The following FHIP2A variants were observed in gnomAD, a reference collection of about 807,000 sequenced individuals.
FHIP2A encodes the protein FHF complex subunit HOOK interacting protein 2A.
A neutral mutation model predicts 93.5 loss-of-function variants in FHIP2A; 46 were observed. That is an observed-to-expected ratio of 0.49 (90% CI 0.39 to 0.63). The LOEUF is 0.63. Among genes scored for constraint, FHIP2A ranks in the 20% least tolerant of loss-of-function variants. The probability of loss-of-function intolerance (pLI) is 0.00; values close to 1 mark genes in which losing one functional copy is unlikely to be tolerated. For synonymous variants in FHIP2A, 332 were observed against 326.5 expected (o/e 1.02, Z -0.18); for missense variants, 769 against 909.7 (o/e 0.85, Z 1.99).
downstream of FHIP2A, among the ~76,000 whole-genome samples, chr10:114,868,644 C>T (rs554004792): frequency 6.6e-6 from 1 of 152,162 alleles, no homozygotes; most frequent in East Asian, 1.9e-4. Context: ...GAAGGTAAAA[C>T]CCCTAGCAGA....
chr10:114,849,893 A>C (rs1481694539), intron 13 of FHIP2A, among the ~76,000 whole-genome samples: 1 of 152,118 alleles, frequency 6.6e-6, no homozygotes, highest in African/African-American at 2.4e-5. Flanking sequence ...TCTGTCTGGC[A>C]TTTTTTACTC....
intron 13 of FHIP2A, among the ~76,000 whole-genome samples, chr10:114,848,958 C>T (rs2083718313): frequency 6.6e-6 from 1 of 151,834 alleles, no homozygotes. Context: ...GCCTGGCCAA[C>T]ATGGTGAAAC....
downstream of FHIP2A, among the ~76,000 whole-genome samples, chr10:114,865,171 A>G (rs2083822562): frequency 1.3e-5 from 2 of 151,986 alleles, no homozygotes; most frequent in African/African-American, 2.4e-5. Flanking sequence ...TATTTTTAGT[A>G]GAGACGGGGT....
intron 1 of FHIP2A, among the ~76,000 whole-genome samples, chr10:114,828,053 A>G (rs1372256958): frequency 1.3e-5 from 2 of 152,144 alleles, no homozygotes; most frequent in African/African-American, 4.8e-5. Flanking sequence ...CAGTGATAAA[A>G]CAGGTAATTT....
chr10:114,896,640 C>T (rs74345821), intron 16 of FHIP2A, among the ~76,000 whole-genome samples: 2,133 of 152,308 alleles, frequency 0.014, 30 homozygotes, highest in African/African-American at 0.048. Flanking sequence ...AGCCCCTCCC[C>T]GCTTCCTGCC....
At chr10:114,823,522 T>G (rs1012122115) in intron 1 of FHIP2A, among the ~76,000 whole-genome samples, 1 of 152,064 alleles carries the variant, frequency 6.6e-6, no homozygotes, top group East Asian at 1.9e-4. Flanking sequence ...TGAGACCGAA[T>G]CTCATTCTGT....
At chr10:114,825,984 A>G (rs1029044816) in intron 1 of FHIP2A, among the ~76,000 whole-genome samples, 9 of 152,236 alleles carry the variant, frequency 5.9e-5, no homozygotes, top group Admixed American at 2.6e-4. Context: ...TTTTCAAATT[A>G]TAGTTAAGAG....
In FHIP2A at chr10:114,874,339, C is replaced by T. The variant is rs550972384; in HGVS notation, c.2192+13005C>T. Among the ~76,000 whole-genome samples, 12 of 152,318 alleles carry T rather than the reference C, an allele frequency of 7.9e-5. No homozygotes were observed. In the South Asian group the frequency reaches 2.5e-3, roughly 32 times the overall value. ...AAAATACAGCTATACACCTGTGCCC[C>T]ATTACTTATAGCACACTAGGAATGA... On this transcript the variant is annotated intron_variant, in intron 16 of 16. Coordinates refer to the FHIP2A transcript ENST00000369250.
At chr10:114,842,070 T>C (rs1198450157) in intron 5 of FHIP2A, among the ~76,000 whole-genome samples, 3 of 151,988 alleles carry the variant, frequency 2.0e-5, no homozygotes, top group Admixed American at 2.0e-4. Flanking sequence ...TTTTTTTAAA[T>C]TTTTTTGAGA....
At chr10:114,851,735 AAGC>A (rs1487415353) in intron 13 of FHIP2A, among the ~76,000 whole-genome samples, 2 of 150,216 alleles carry the variant, frequency 1.3e-5, no homozygotes, top group Non-Finnish European at 3.0e-5. Context: ...AAAAAAAAAA[AAGC>A]AATTGAAATT....
chr10:114,861,750 ATAT>A lies in FHIP2A; in HGVS notation c.*211_*213del. 7.7e-7 allele frequency: 1 copy of A among 1,291,058 alleles called. No individual in the cohort carries two copies. The highest frequency in any genetic ancestry group is 9.8e-7 in the Non-Finnish European group (1 of 1,016,728). The allele number at this position is 1,291,058 out of a possible 1,614,324, so 80.0% of individuals were successfully genotyped here. A position where few individuals can be genotyped will look rare whatever the true frequency, so the allele number is the denominator to read the frequency against. Reference sequence around the variant, plus strand: ...TCATTGGCTTTATCATAATGGTTCTATATATACAATTGCACATTGTTGAATCCA... The same window carrying A: ...TCATTGGCTTTATCATAATGGTTCTAATACAATTGCACATTGTTGAATCCA... On this transcript the variant is annotated 3_prime_UTR_variant, in exon 17 of 17. Coordinates refer to ENST00000369248, the MANE Select transcript of FHIP2A (RefSeq NM_020940.4).
At position 114,822,002 on chromosome 10, in the gene FHIP2A, C is replaced by G; in HGVS notation, c.-77C>G. ...TTCACTCTGGAGCGGCCCCGGCAGCCGCAGCAGGGGCGGCGGCGGCGGATC... is the reference window on the plus strand; with the variant it reads ...TTCACTCTGGAGCGGCCCCGGCAGCGGCAGCAGGGGCGGCGGCGGCGGATC... On this transcript the variant is annotated 5_prime_UTR_variant, in exon 1 of 17. Coordinates refer to ENST00000369248, the MANE Select transcript of FHIP2A (RefSeq NM_020940.4). The G allele has an allele frequency of 9.9e-7, 1 of 1,014,274 alleles. No individual in the cohort carries two copies. The highest frequency in any genetic ancestry group is 1.7e-5 in the African/African-American group (1 of 58,790). 62.8% of individuals were successfully genotyped at this position (1,014,274 alleles called of 1,614,324 possible). A position where few individuals can be genotyped will look rare whatever the true frequency, so the allele number is the denominator to read the frequency against.
chr10:114,874,260 C>T (rs1372437308), intron 16 of FHIP2A, among the ~76,000 whole-genome samples: 1 of 135,460 alleles, frequency 7.4e-6, no homozygotes, highest in South Asian at 2.5e-4. Flanking sequence ...TACTTTAGAT[C>T]TTTAATTTTT....
chr10:114,839,902 G>GAAAAAAAAAAAAAAAAAAAAAAAA (rs2083659248), intron 5 of FHIP2A, among the ~76,000 whole-genome samples: 1 of 127,460 alleles, frequency 7.8e-6, no homozygotes, highest in Non-Finnish European at 1.7e-5. Context: ...AAAAAAAAAA[G>GAAAAAAAAAAAAAAAAAAAAAAAA]AAAAGAAACA....
chr10:114,855,280 T>G lies in FHIP2A; in HGVS notation c.1887T>G (p.Ala629=). Residue 629 remains alanine (A), a synonymous_variant, in exon 14 of 17, where the codon GCT becomes GCG. Coordinates refer to ENST00000369248, the MANE Select transcript of FHIP2A (RefSeq NM_020940.4). The part of the protein sequence containing the change: ...KALEKCNLEA[A]FFEGHFLKVL... The stretch of plus-strand genomic sequence containing the variant: ...TGGAAAAGTGCAATTTAGAAGCTGC[T>G]TTCTTTGAAGGTCATTTTTTGAAAG... 6.2e-7 allele frequency: 1 copy of G among 1,614,110 alleles called. No individual in the cohort carries two copies. The highest frequency in any genetic ancestry group is 2.2e-5 in the East Asian group (1 of 44,868).
Position 114,850,669 on chromosome 10 carries a change from C to G in FHIP2A, c.1803+1932C>G, listed in dbSNP as rs7904128. 6.8e-3 allele frequency among the ~76,000 whole-genome samples: 1,029 copies of G among 152,260 alleles called. 16 individuals carry two copies. Among genetic ancestry groups the G allele is most frequent in the African/African-American group, 0.024 (992 of 41,556 alleles). ...GAGCTATGATGGTGACACTGCACTC[C>G]AGCCTGGGCAACAGAGCAAGACCCT... On this transcript the variant is annotated intron_variant, in intron 13 of 16. Coordinates refer to ENST00000369248, the MANE Select transcript of FHIP2A (RefSeq NM_020940.4).
chr10:114,893,412 T>G (rs1288018217), intron 16 of FHIP2A, among the ~76,000 whole-genome samples: 1 of 152,188 alleles, frequency 6.6e-6, no homozygotes, highest in Non-Finnish European at 1.5e-5. Context: ...TGATAGTCTC[T>G]TACATATGCA....
rs1592032924 is a variant in FHIP2A, at chr10:114,881,357, T to C, written c.2193-18133T>C. On this transcript the variant is annotated intron_variant, in intron 16 of 16. Transcript: ENST00000369250. ...AACAATATTTGGAAAATAATCCCAG[T>C]TGTTTTATCACTTTCCTGGGGGCTG... Among the ~76,000 whole-genome samples the C allele has an allele frequency of 2.6e-5, 4 of 152,212 alleles. No homozygotes were observed. In the East Asian group the frequency reaches 7.7e-4, roughly 29 times the overall value.
At chr10:114,866,931 G>A (rs1052594544), downstream of FHIP2A, among the ~76,000 whole-genome samples, 5 of 152,118 alleles carry the variant, frequency 3.3e-5, no homozygotes, top group Non-Finnish European at 4.4e-5. Flanking sequence ...AACAGACGCC[G>A]GGCGCGGTAG....
Sources: gnomAD v4.1 joint callset for allele counts (sites outside exome capture counted in the v4.1 genomes callset) on GRCh38, gnomAD v4.1.1 for gene constraint, MANE v1.5 for transcripts, NCBI Gene and HGNC (gene_info 2026-07-23, HGNC 2026-07-21) for gene names.